PKIB: variants seen among roughly 807,000 people sequenced by gnomAD.
The protein encoded by PKIB is cAMP-dependent protein kinase inhibitor beta.
PKIB carries 2 observed loss-of-function variants against 4.5 expected under a neutral mutation model. That is an observed-to-expected ratio of 0.44 (90% CI 0.18 to 1.39). The LOEUF (loss-of-function observed/expected upper bound fraction) is 1.39. PKIB is among the 40% of genes most tolerant of loss of function. The probability of loss-of-function intolerance (pLI) is 0.27; values close to 1 mark genes in which losing one functional copy is unlikely to be tolerated. For synonymous variants in PKIB, 38 were observed against 36.0 expected (o/e 1.06, Z -0.20); for missense variants, 94 against 92.6 (o/e 1.02, Z -0.06).
intron 2 of PKIB, among the ~76,000 whole-genome samples, chr6:122,492,681 T>C (rs1399566330): frequency 6.6e-6 from 1 of 152,124 alleles, no homozygotes; most frequent in Non-Finnish European, 1.5e-5. Context: ...ATTTGTTCTT[T>C]TTATATTTTT....
chr6:122,568,999 A>G (rs1181850397), intron 2 of PKIB, among the ~76,000 whole-genome samples: 1 of 152,008 alleles, frequency 6.6e-6, no homozygotes, highest in Non-Finnish European at 1.5e-5. Flanking sequence ...CTGCTGCCTG[A>G]TACTCTCCAC....
intron 2 of PKIB, among the ~76,000 whole-genome samples, chr6:122,500,334 T>C (rs1776193832): frequency 6.6e-6 from 1 of 152,036 alleles, no homozygotes; most frequent in Non-Finnish European, 1.5e-5. Flanking sequence ...TACTAAATGC[T>C]CAGTAGATAT....
At chr6:122,553,154 C>T (rs1351695758) in intron 2 of PKIB, among the ~76,000 whole-genome samples, 7 of 152,156 alleles carry the variant, frequency 4.6e-5, no homozygotes, top group Non-Finnish European at 1.0e-4. Flanking sequence ...GCATGGTCTA[C>T]TCTGCTCTTC....
At chr6:122,692,298 T>C (rs976255129) in intron 3 of PKIB, among the ~76,000 whole-genome samples, 6 of 152,070 alleles carry the variant, frequency 3.9e-5, no homozygotes, top group African/African-American at 1.4e-4. Flanking sequence ...CCCTGGCACA[T>C]TGAGTGAATT....
intron 2 of PKIB, among the ~76,000 whole-genome samples, chr6:122,577,680 C>T (rs137954326): frequency 1.9e-3 from 292 of 152,062 alleles, no homozygotes; most frequent in African/African-American, 6.6e-3. Context: ...GAGGCCAAGG[C>T]GGGCAGATCA....
At chr6:122,718,680 G>A (rs1436786176) in intron 4 of PKIB, among the ~76,000 whole-genome samples, 1 of 152,096 alleles carries the variant, frequency 6.6e-6, no homozygotes, top group Non-Finnish European at 1.5e-5. Context: ...GTATGTTTGG[G>A]AATTTATTCT....
chr6:122,602,955 C>CAAAAA (rs71021410), intron 3 of PKIB, among the ~76,000 whole-genome samples: 1 of 74,882 alleles, frequency 1.3e-5, no homozygotes, highest in African/African-American at 5.9e-5. Flanking sequence ...GACTGCGTCT[C>CAAAAA]AAAAAAAAAA....
intron 2 of PKIB, among the ~76,000 whole-genome samples, chr6:122,564,757 G>A (rs1773132492): frequency 6.6e-6 from 1 of 152,148 alleles, no homozygotes; most frequent in South Asian, 2.1e-4. Flanking sequence ...ATTGACATTG[G>A]GAAGGACCCT....
At chr6:122,528,094 T>C (rs1777147801) in intron 2 of PKIB, among the ~76,000 whole-genome samples, 2 of 152,168 alleles carry the variant, frequency 1.3e-5, no homozygotes, top group African/African-American at 4.8e-5. Flanking sequence ...TATGTCTTTC[T>C]GGAAAAGTTA....
At chr6:122,609,710 C>T (rs1774669572), upstream of PKIB, among the ~76,000 whole-genome samples, 1 of 152,184 alleles carries the variant, frequency 6.6e-6, no homozygotes, top group Admixed American at 6.5e-5. Flanking sequence ...TCAGCAGTAT[C>T]GTCGTCCATG....
chr6:122,597,335 T>C (rs139375898), intron 3 of PKIB, among the ~76,000 whole-genome samples: 220 of 152,362 alleles, frequency 1.4e-3, no homozygotes, highest in Non-Finnish European at 2.6e-3. Context: ...GATATATTGC[T>C]GGCCTTGCCA....
At chr6:122,551,872 ATCTTTT>A (rs1397548206) in intron 2 of PKIB, among the ~76,000 whole-genome samples, 1 of 126,466 alleles carries the variant, frequency 7.9e-6, no homozygotes, top group African/African-American at 3.1e-5. Context: ...GACTTAGTAC[ATCTTTT>A]TTTTTTTTTT....
At chr6:122,643,643 A>G (rs998495858) in intron 2 of PKIB, 12 of 152,202 alleles carry the variant, frequency 7.9e-5, no homozygotes, top group African/African-American at 2.9e-4. Flanking sequence ...AACACCTAAT[A>G]TTTTTGATTA....
chr6:122,723,202 G>A (rs772443823), intron 4 of PKIB, among the ~76,000 whole-genome samples: 8 of 152,122 alleles, frequency 5.3e-5, no homozygotes, highest in Non-Finnish European at 8.8e-5. Flanking sequence ...ATCTGATTTC[G>A]TTGGGATAAT....
intron 2 of PKIB, among the ~76,000 whole-genome samples, chr6:122,529,591 A>T (rs548808469): frequency 1.1e-4 from 17 of 152,250 alleles, no homozygotes; most frequent in African/African-American, 2.9e-4. Flanking sequence ...CTGTTAGTTA[A>T]CCTTTCTTGT....
intron 3 of PKIB, among the ~76,000 whole-genome samples, chr6:122,706,958 A>G (rs1200655373): frequency 6.6e-6 from 1 of 152,082 alleles, no homozygotes. Context: ...TTGAAAATTT[A>G]TGTTTTTAAA....
chr6:122,550,759 A>G (rs904084198), intron 2 of PKIB, among the ~76,000 whole-genome samples: 2 of 151,936 alleles, frequency 1.3e-5, no homozygotes, highest in East Asian at 3.9e-4. Context: ...TGGGTGTCCT[A>G]TTTTCTTCAT....
intron 2 of PKIB, among the ~76,000 whole-genome samples, chr6:122,646,631 T>C (rs1287457153): frequency 6.6e-6 from 1 of 152,252 alleles, no homozygotes; most frequent in African/African-American, 2.4e-5. Context: ...AATCCGTGTT[T>C]CTTTTTATTA....
chr6:122,699,961 G>A (rs1304079727), intron 3 of PKIB, among the ~76,000 whole-genome samples: 3 of 152,132 alleles, frequency 2.0e-5, no homozygotes, highest in Non-Finnish European at 4.4e-5. Flanking sequence ...GAAGATCCTA[G>A]TCATAACTGT....
Sources: gnomAD v4.1 joint callset for allele counts (sites outside exome capture counted in the v4.1 genomes callset) on GRCh38, gnomAD v4.1.1 for gene constraint, MANE v1.5 for transcripts, NCBI Gene and HGNC (gene_info 2026-07-23, HGNC 2026-07-21) for gene names.